The following JADE1 variants were observed in gnomAD, a reference collection of about 807,000 sequenced individuals.
JADE1 encodes the protein jade family PHD finger 1.
JADE1 carries 14 observed loss-of-function variants against 81.8 expected under a neutral mutation model. That is an observed-to-expected ratio of 0.17 (90% CI 0.11 to 0.27). The LOEUF is 0.27. Among genes scored for constraint, JADE1 ranks in the 10% least tolerant of loss-of-function variants. JADE1 has a pLI of 1.00. For missense variants in JADE1, 690 were observed against 1,047.9 expected, an observed-to-expected ratio of 0.66 and a Z score of 4.71; for synonymous variants, 353 against 391.9, an observed-to-expected ratio of 0.90 and a Z score of 1.17.
chr4:128,829,259 T>G (rs887039152), intron 1 of JADE1, among the ~76,000 whole-genome samples: 1 of 152,148 alleles, frequency 6.6e-6, no homozygotes, highest in African/African-American at 2.4e-5. Context: ...GTGGGGCTTT[T>G]GGAAAAGGGA....
At chr4:128,853,119 G>A (rs1354955045) in intron 6 of JADE1, among the ~76,000 whole-genome samples, 3 of 151,940 alleles carry the variant, frequency 2.0e-5, no homozygotes, top group Non-Finnish European at 4.4e-5. Flanking sequence ...CTCATGATCC[G>A]CCCACCTTGG....
chr4:128,860,874 C>T (rs372533807), intron 8 of JADE1, among the ~76,000 whole-genome samples: 11 of 152,272 alleles, frequency 7.2e-5, no homozygotes, highest in East Asian at 1.9e-4. Flanking sequence ...CCAGGATCGG[C>T]GTGCACCGAT....
At chr4:128,834,536 T>C (rs974176096) in intron 2 of JADE1, among the ~76,000 whole-genome samples, 8 of 147,326 alleles carry the variant, frequency 5.4e-5, no homozygotes, top group East Asian at 2.0e-4. Flanking sequence ...ATTTCTTTTT[T>C]TTTTTTTTTT....
At chr4:128,824,154 C>T (rs1727828877) in intron 1 of JADE1, among the ~76,000 whole-genome samples, 1 of 152,158 alleles carries the variant, frequency 6.6e-6, no homozygotes, top group Non-Finnish European at 1.5e-5. Flanking sequence ...CGCGGTGGCT[C>T]ACGCCTGTAA....
intron 9 of JADE1, among the ~76,000 whole-genome samples, 168 bp from the exon 10 acceptor site, chr4:128,867,688 C>T (rs560549437): frequency 6.6e-6 from 1 of 152,244 alleles, no homozygotes; most frequent in Admixed American, 6.5e-5. Context: ...TTCTTATCTG[C>T]CCAAAAGGAG....
intron 1 of JADE1, among the ~76,000 whole-genome samples, chr4:128,822,679 A>G (rs968787678): frequency 3.3e-5 from 5 of 152,040 alleles, no homozygotes; most frequent in Admixed American, 3.3e-4. Flanking sequence ...AGATCACACC[A>G]TTGCACTCCA....
At chr4:128,862,908 G>GTT in intron 9 of JADE1, 1 of 986,772 alleles carries the variant, frequency 1.0e-6, no homozygotes, top group Non-Finnish European at 1.2e-6. Context: ...GTGTGTGTGT[G>GTT]TGTGTGCGCG....
intron 6 of JADE1, 44 bp from the exon 7 acceptor site, chr4:128,855,586 T>G (rs1730726892): frequency 6.7e-7 from 1 of 1,503,354 alleles, no homozygotes; most frequent in Non-Finnish European, 9.0e-7. Flanking sequence ...AAATAACATT[T>G]TCTCTTTCTC....
chr4:128,837,112 C>G (rs1472041534), intron 2 of JADE1, among the ~76,000 whole-genome samples: 3 of 152,098 alleles, frequency 2.0e-5, no homozygotes, highest in Admixed American at 2.0e-4. Flanking sequence ...TGTTGACTTT[C>G]TTTGGGAAGA....
chr4:128,832,841 G>C, intron 2 of JADE1, among the ~76,000 whole-genome samples: 1 of 152,234 alleles, frequency 6.6e-6, no homozygotes, highest in South Asian at 2.1e-4. Flanking sequence ...GCAAGGCTTT[G>C]CTGCTGTAGG....
At chr4:128,820,381 G>C (rs1461320450) in intron 1 of JADE1, among the ~76,000 whole-genome samples, 1 of 152,072 alleles carries the variant, frequency 6.6e-6, no homozygotes, top group East Asian at 1.9e-4. Context: ...CAAAGTGCTG[G>C]GATTACAGGC....
chr4:128,835,671 G>T (rs114626653), intron 2 of JADE1, among the ~76,000 whole-genome samples: 3,409 of 152,292 alleles, frequency 0.022, 111 homozygotes, highest in African/African-American at 0.074. Context: ...TCTCCAGCCT[G>T]CAGGCCTGAC....
chr4:128,826,532 GT>G lies in JADE1; in HGVS notation c.-26-5185del, dbSNP rs567412444. 1.9e-3 allele frequency among the ~76,000 whole-genome samples: 243 copies of G among 127,320 alleles called. 1 individual carries two copies. The highest frequency in any genetic ancestry group is 5.0e-3 in the South Asian group (19 of 3,834). 83.5% of individuals were successfully genotyped at this position (127,320 alleles called of 152,430 possible). ...ATCACCACGCCTGGCTAATTTTTGT[GT>G]TTTTTTTTTTTTTTTCAGTAGAGAC... On this transcript the variant is annotated intron_variant, in intron 1 of 10. Coordinates refer to ENST00000226319, the MANE Select transcript of JADE1 (RefSeq NM_199320.4).
rs781029489 is a variant in JADE1, at chr4:128,852,288, CAGAA to C, written c.696+25_696+28del. 2.4e-4 allele frequency: 389 copies of C among 1,605,748 alleles called. No homozygotes were observed. Among genetic ancestry groups the C allele is most frequent in the Non-Finnish European group, 3.2e-4 (377 of 1,172,766 alleles). Reference sequence around the variant, plus strand: ...CACCAGGTATGTGGGGCAGGGAGGCCAGAAAGAAGAAACCTGGGGCATGAGCCTG... The same window carrying C: ...CACCAGGTATGTGGGGCAGGGAGGCCAGAAGAAACCTGGGGCATGAGCCTG... On this transcript the variant is annotated intron_variant, in intron 6 of 10. Transcript: ENST00000226319.
intron 1 of JADE1, among the ~76,000 whole-genome samples, chr4:128,822,244 C>T (rs1458054842): frequency 4.6e-5 from 7 of 151,960 alleles, no homozygotes; most frequent in Admixed American, 4.6e-4. Flanking sequence ...GTGTGCGCCT[C>T]TAGTCCCAGT....
chr4:128,825,672 T>C (rs1727998764), intron 1 of JADE1, among the ~76,000 whole-genome samples: 1 of 152,240 alleles, frequency 6.6e-6, no homozygotes. Flanking sequence ...AGGTAGACTG[T>C]GTGCTCCTGC....
intron 9 of JADE1, chr4:128,863,837 A>G (rs1731572921): frequency 1.0e-6 from 1 of 985,450 alleles, no homozygotes; most frequent in African/African-American, 1.7e-5. Context: ...ATGGAGTCAG[A>G]TAGTTGTTGG....
chr4:128,824,741 C>T (rs897978042), intron 1 of JADE1, among the ~76,000 whole-genome samples: 2 of 152,070 alleles, frequency 1.3e-5, no homozygotes, highest in African/African-American at 4.8e-5. Context: ...AAGTATGTAG[C>T]GGTCTTTAAT....
intron 9 of JADE1, 64 bp from the exon 10 acceptor site, chr4:128,867,792 A>T: frequency 9.4e-7 from 1 of 1,059,336 alleles, no homozygotes; most frequent in South Asian, 1.5e-5. Flanking sequence ...AAAGAAATTT[A>T]AAAAGCACCA....
Sources: allele counts gnomAD v4.1 joint callset (sites outside exome capture counted in the v4.1 genomes callset), GRCh38; gene constraint gnomAD v4.1.1; transcripts MANE v1.5; gene names NCBI Gene and HGNC (gene_info 2026-07-23, HGNC 2026-07-21).